COLEC10: variants seen among roughly 807,000 people sequenced by gnomAD.
The protein encoded by COLEC10 is collectin subfamily member 10, also known as collectin-10.
In COLEC10, 22 loss-of-function variants were observed where a neutral mutation model predicts 28.4. The observed-to-expected ratio is 0.78, with a 90% CI of 0.55 to 1.11. COLEC10 has a LOEUF of 1.11. Among genes scored for constraint, COLEC10 ranks in the 50% least tolerant of loss-of-function variants. The pLI is 0.00. For missense variants in COLEC10, 361 were observed against 344.1 expected (o/e 1.05, Z -0.39); for synonymous variants, 125 against 116.1 (o/e 1.08, Z -0.49).
At chr8:119,089,399 G>A (rs902434001) in intron 1 of COLEC10, among the ~76,000 whole-genome samples, 2 of 152,130 alleles carry the variant, frequency 1.3e-5, no homozygotes, top group African/African-American at 4.8e-5. Context: ...AGATTCTACA[G>A]CAAGAATAAA....
At chr8:119,036,746 G>A (rs1479383629) in intron 2 of COLEC10, among the ~76,000 whole-genome samples, 1 of 152,080 alleles carries the variant, frequency 6.6e-6, no homozygotes, top group African/African-American at 2.4e-5. Flanking sequence ...ATTTACAAAG[G>A]GACTATTTAA....
chr8:119,046,880 T>C (rs1334022173), intron 2 of COLEC10, among the ~76,000 whole-genome samples: 1 of 152,230 alleles, frequency 6.6e-6, no homozygotes, highest in African/African-American at 2.4e-5. Context: ...ATAAACTATC[T>C]TCCTACGGTC....
At chr8:118,994,334 G>A (rs893670596), upstream of COLEC10, among the ~76,000 whole-genome samples, 6 of 152,110 alleles carry the variant, frequency 3.9e-5, no homozygotes, top group Non-Finnish European at 7.4e-5. Flanking sequence ...ACAAATGAGA[G>A]ATGGGTAAAT....
intron 1 of COLEC10, among the ~76,000 whole-genome samples, chr8:119,085,599 C>CTTTTTTTTTTTTTTTTT (rs66829005): frequency 4.4e-4 from 28 of 63,550 alleles, no homozygotes; most frequent in South Asian, 1.3e-3. Flanking sequence ...TCTTCTTCTT[C>CTTTTTTTTTTTTTTTTT]TTTTTTTTTT....
intron 1 of COLEC10, among the ~76,000 whole-genome samples, chr8:119,081,162 T>G (rs1587049578): frequency 6.6e-6 from 1 of 152,160 alleles, no homozygotes; most frequent in East Asian, 1.9e-4. Flanking sequence ...CATTATTGAC[T>G]ATTATTTTCC....
At chr8:119,043,727 T>TGAATA (rs1172475765) in intron 2 of COLEC10, among the ~76,000 whole-genome samples, 1 of 152,228 alleles carries the variant, frequency 6.6e-6, no homozygotes, top group Non-Finnish European at 1.5e-5. Flanking sequence ...TATATGCATA[T>TGAATA]GAATACATGC....
At chr8:119,089,827 A>G (rs976060442) in intron 2 of COLEC10, 76 bp downstream of exon 2, 3 of 1,228,066 alleles carry the variant, frequency 2.4e-6, no homozygotes, top group African/African-American at 3.0e-5. Context: ...TGCCCTGGAA[A>G]TTAGCAGCTT....
chr8:119,048,230 T>C (rs1249867415), intron 2 of COLEC10, among the ~76,000 whole-genome samples: 1 of 152,238 alleles, frequency 6.6e-6, no homozygotes, highest in Non-Finnish European at 1.5e-5. Context: ...CACTTATAAA[T>C]GACAACATGT....
chr8:118,952,521 C>A, the COLEC10 span, among the ~76,000 whole-genome samples: 1 of 152,184 alleles, frequency 6.6e-6, no homozygotes, highest in African/African-American at 2.4e-5. Flanking sequence ...TTACATAAAC[C>A]ATGTAGTAGG....
chr8:119,030,595 C>T (rs1441365606), intron 2 of COLEC10, among the ~76,000 whole-genome samples: 1 of 152,180 alleles, frequency 6.6e-6, no homozygotes. Flanking sequence ...GGTTGCCTAT[C>T]CTCCACATGC....
intron 2 of COLEC10, among the ~76,000 whole-genome samples, chr8:119,029,525 T>C (rs1032759346): frequency 1.3e-5 from 2 of 152,000 alleles, no homozygotes; most frequent in Non-Finnish European, 2.9e-5. Flanking sequence ...AAACAATAAG[T>C]GTAAAGAAAC....
intron 3 of COLEC10, among the ~76,000 whole-genome samples, chr8:119,099,168 C>A (rs1421074301): frequency 6.6e-6 from 1 of 152,020 alleles, no homozygotes; most frequent in Non-Finnish European, 1.5e-5. Flanking sequence ...TCTAATTCAA[C>A]TTTTAGACAG....
At chr8:119,030,182 T>C (rs1216952303) in intron 2 of COLEC10, among the ~76,000 whole-genome samples, 1 of 152,182 alleles carries the variant, frequency 6.6e-6, no homozygotes, top group Non-Finnish European at 1.5e-5. Flanking sequence ...ATTGTGGTCA[T>C]CAATTGTAAA....
rs1815991569 is a variant in COLEC10 at position 119,108,194 on chromosome 8, A to T, written c.*2003A>T. On this transcript the variant is annotated 3_prime_UTR_variant, in exon 6 of 6. Transcript: ENST00000332843. ...AGCTTAATAAAAATTACAAAGTAGG[A>T]CATCAAACGCCAGTATCCTTGGATA... 6.6e-6 allele frequency among the ~76,000 whole-genome samples: 1 copy of T among 152,206 alleles called. No homozygotes were observed. The highest frequency in any genetic ancestry group is 2.4e-5 in the African/African-American group (1 of 41,454).
chr8:119,073,104 T>A (rs1015785741), intron 1 of COLEC10, among the ~76,000 whole-genome samples: 1 of 152,166 alleles, frequency 6.6e-6, no homozygotes, highest in Non-Finnish European at 1.5e-5. Flanking sequence ...GATAATTTGG[T>A]TTAACTCCAG....
At chr8:119,061,364 C>T (rs1251008643) in intron 2 of COLEC10, among the ~76,000 whole-genome samples, 2 of 150,864 alleles carry the variant, frequency 1.3e-5, no homozygotes, top group Non-Finnish European at 3.0e-5. Context: ...CTTAAAGGAC[C>T]TACAGTTAGC....
In COLEC10 at chr8:119,108,425, G is replaced by C. The variant is rs887118781; in HGVS notation, c.*2234G>C. Among the ~76,000 whole-genome samples the C allele has an allele frequency of 6.6e-6, 1 of 152,150 alleles. No individual in the cohort carries two copies. The highest frequency in any genetic ancestry group is 2.4e-5 in the African/African-American group (1 of 41,434). ...ACTGTTAGTGCTATTATTATTTACTGTGAATGTTATAATAATAGTTCTCTC... is the reference window on the plus strand; with the variant it reads ...ACTGTTAGTGCTATTATTATTTACTCTGAATGTTATAATAATAGTTCTCTC... On this transcript the variant is annotated 3_prime_UTR_variant, in exon 6 of 6. Coordinates refer to ENST00000332843, the MANE Select transcript of COLEC10 (RefSeq NM_006438.5).
At chr8:118,989,009 AAGC>A in the COLEC10 span, among the ~76,000 whole-genome samples, 1 of 152,224 alleles carries the variant, frequency 6.6e-6, no homozygotes, top group Admixed American at 6.5e-5. Flanking sequence ...TGAAGGGACA[AAGC>A]AGTCATCAGA....
chr8:119,005,253 A>G lies in COLEC10; in HGVS notation n.123-4188A>G, dbSNP rs541197558. ...GGATTTACTGAGCAAACCATGACAT[A>G]TACTCAACCTAACTCTAACCCATTG... is the stretch of plus-strand genomic sequence containing the variant. On this transcript the variant is annotated intron_variant and non_coding_transcript_variant, in intron 1 of 6. Transcript: ENST00000521788. Among the ~76,000 whole-genome samples, 21 of 152,238 alleles carry G rather than the reference A, an allele frequency of 1.4e-4. No homozygotes were observed. The South Asian group carries it at 4.3e-3, about 32-fold the overall frequency.
Sources: allele counts gnomAD v4.1 joint callset (sites outside exome capture counted in the v4.1 genomes callset), GRCh38; gene constraint gnomAD v4.1.1; transcripts MANE v1.5; gene names NCBI Gene and HGNC (gene_info 2026-07-23, HGNC 2026-07-21).